Variants in ABCB11 observed in about 807,000 individuals in gnomAD.
ABCB11 encodes the protein ATP binding cassette subfamily B member 11, also known as bile salt export pump.
Under a neutral mutation model 148.0 loss-of-function variants are expected in ABCB11, and 95 were observed. That is an observed-to-expected ratio of 0.64 (90% CI 0.54 to 0.76). The LOEUF (loss-of-function observed/expected upper bound fraction) is 0.76, where lower values mean the gene tolerates loss of function less well. ABCB11 is among the 30% of genes least tolerant of loss of function. ABCB11 has a pLI of 0.00. For synonymous variants in ABCB11, 591 were observed against 555.4 expected, an observed-to-expected ratio of 1.06 and a Z score of -0.90; for missense variants, 1,523 against 1,617.8, an observed-to-expected ratio of 0.94 and a Z score of 1.01.
chr2:168,970,091 G>C lies in ABCB11; in HGVS notation c.1763C>G (p.Ala588Gly), dbSNP rs917981474. 1 of 1,612,922 alleles carries C rather than the reference G, an allele frequency of 6.2e-7. No individual in the cohort carries two copies. Among genetic ancestry groups the C allele is most frequent in the African/African-American group, 1.3e-5 (1 of 74,926 alleles). The change falls in exon 15 of 28, where the codon GCT (alanine) becomes GGT (glycine). Residue 588 changes from alanine (A) to glycine (G), a missense_variant. By Grantham distance (60) the Ala-to-Gly change is moderately conservative. Transcript: ENST00000650372. ...KILLLDMATS[A>G]LDNESEAMVQ... ...CATGGCTTCACTCTCATTGTCCAGA[G>C]CTGAGGTGGCCATGTCCAAAAGCAG... is the stretch of plus-strand genomic sequence containing the variant.
At chr2:168,952,034 T>C (rs1397934276) in intron 19 of ABCB11, among the ~76,000 whole-genome samples, 1 of 151,690 alleles carries the variant, frequency 6.6e-6, no homozygotes, top group Non-Finnish European at 1.5e-5. Flanking sequence ...TGATATATCA[T>C]GTTTATTGCT....
At chr2:169,009,156 G>A (rs1187120568) in intron 5 of ABCB11, among the ~76,000 whole-genome samples, 2 of 152,218 alleles carry the variant, frequency 1.3e-5, no homozygotes, top group African/African-American at 4.8e-5. Context: ...GGGGCAAGGG[G>A]TTTCTTTTTC....
chr2:168,923,596 T>C lies in ABCB11; in HGVS notation c.*26A>G, dbSNP rs762157709. 31 of 1,609,188 alleles carry C rather than the reference T, an allele frequency of 1.9e-5. No homozygotes were observed. The South Asian group carries it at 3.0e-4, about 15-fold the overall frequency. On this transcript the variant is annotated 3_prime_UTR_variant, in exon 28 of 28. Coordinates refer to ENST00000650372, the MANE Select transcript of ABCB11 (RefSeq NM_003742.4). The stretch of plus-strand genomic sequence containing the variant: ...AACAACCCCTGTAACTGGTGCGTCA[T>C]GTGTGTCTGAGATTCTTGCATTGGG...
At chr2:168,963,198 G>C (rs1693152661) in intron 18 of ABCB11, among the ~76,000 whole-genome samples, 1 of 151,610 alleles carries the variant, frequency 6.6e-6, no homozygotes, top group African/African-American at 2.4e-5. Flanking sequence ...CTTGCAGTTG[G>C]GGTTTTATTT....
intron 13 of ABCB11, among the ~76,000 whole-genome samples, chr2:168,973,308 A>G (rs888759483): frequency 6.6e-6 from 1 of 151,998 alleles, no homozygotes; most frequent in African/African-American, 2.4e-5. Flanking sequence ...TGGTATATAT[A>G]TATTTCCAAA....
Position 168,926,805 on chromosome 2 carries a change from G to A in ABCB11, c.3618+351C>T, listed in dbSNP as rs116122252. Among the ~76,000 whole-genome samples the A allele has an allele frequency of 5.8e-3, 876 of 152,074 alleles. 12 individuals carry two copies. The highest frequency in any genetic ancestry group is 0.02 in the African/African-American group (828 of 41,506). ...CAGATTCTGGATTTTTTCAGATTTTGGAATATCTGCATATAATGAGATACC... is the reference window on the plus strand; with the variant it reads ...CAGATTCTGGATTTTTTCAGATTTTAGAATATCTGCATATAATGAGATACC... On this transcript the variant is annotated intron_variant, in intron 26 of 27. Coordinates refer to ENST00000650372, the MANE Select transcript of ABCB11 (RefSeq NM_003742.4).
In ABCB11 at chr2:168,990,693, T is replaced by C. The variant is rs4148780; in HGVS notation, c.908+108A>G. 98,723 of 1,393,886 alleles carry C rather than the reference T, an allele frequency of 0.071. 5,453 individuals are homozygous for C. The highest frequency in any genetic ancestry group is 0.28 in the African/African-American group (19,995 of 70,280). 86.3% of individuals were successfully genotyped at this position (1,393,886 alleles called of 1,614,324 possible). On this transcript the variant is annotated intron_variant, in intron 9 of 27. Coordinates refer to ENST00000650372, the MANE Select transcript of ABCB11 (RefSeq NM_003742.4). ...CTCCCTCTTGAACAAGTACTTCCTC[T>C]GGAGGCCACAGACCAAGGTGGGTCT... is the stretch of plus-strand genomic sequence containing the variant.
chr2:169,008,789 A>AGAGAGAAATGTG (rs1484188765), intron 5 of ABCB11, among the ~76,000 whole-genome samples: 3 of 152,352 alleles, frequency 2.0e-5, no homozygotes, highest in African/African-American at 7.2e-5. Context: ...TTCCACACTT[A>AGAGAGAAATGTG]GACATGTACC....
At chr2:168,959,317 G>C (rs1559203322) in intron 18 of ABCB11, among the ~76,000 whole-genome samples, 1 of 151,626 alleles carries the variant, frequency 6.6e-6, no homozygotes, top group African/African-American at 2.4e-5. Flanking sequence ...AGGTCCTTCT[G>C]TTCAATTATT....
intron 14 of ABCB11, among the ~76,000 whole-genome samples, chr2:168,970,967 C>G (rs974409425): frequency 1.3e-5 from 2 of 152,000 alleles, no homozygotes; most frequent in African/African-American, 4.8e-5. Flanking sequence ...GATTCTAAAG[C>G]TTTATACTCT....
At chr2:168,980,048 G>A in intron 10 of ABCB11, 69 bp from the exon 11 acceptor site, 1 of 875,376 alleles carries the variant, frequency 1.1e-6, no homozygotes, top group Non-Finnish European at 1.8e-6. Context: ...CTATCATTTG[G>A]GTCTTCCATG....
chr2:169,002,389 G>A (rs926575494), intron 5 of ABCB11, among the ~76,000 whole-genome samples: 12 of 152,140 alleles, frequency 7.9e-5, no homozygotes, highest in African/African-American at 2.9e-4. Flanking sequence ...AAATATGTAT[G>A]TAGGTTCCTC....
chr2:168,928,936 G>A lies in ABCB11; in HGVS notation c.3412-1574C>T, dbSNP rs1691441842. On this transcript the variant is annotated intron_variant, in intron 25 of 27. Transcript: ENST00000650372. ...TTATTTTTATAACTTCCTGGATTCT[G>A]TCAATTTCTGTTTGCTTGTTTCCTT... is the stretch of plus-strand genomic sequence containing the variant. Among the ~76,000 whole-genome samples, 7 of 152,216 alleles carry A rather than the reference G, an allele frequency of 4.6e-5. No individual in the cohort carries two copies. In the South Asian group the frequency reaches 1.5e-3, roughly 32 times the overall value.
chr2:169,027,709 G>A (rs1573996073), intron 1 of ABCB11, among the ~76,000 whole-genome samples: 1 of 152,076 alleles, frequency 6.6e-6, no homozygotes, highest in Admixed American at 6.5e-5. Context: ...GAGATACAGG[G>A]TTCTACAAGC....
In ABCB11 at chr2:168,990,840, G is replaced by A; in HGVS notation, c.869C>T (p.Thr290Ile). The change falls in exon 9 of 28, where the codon ACA becomes ATA. Residue 290 changes from threonine (T) to isoleucine (I), a missense_variant. Transcript: ENST00000650372. Reference sequence around the variant, plus strand: ...TTTCTCACCACCAAAAGCAGCCACTGTTCTCATTGATGAAATGACTTCATC... The same window carrying A: ...TTTCTCACCACCAAAAGCAGCCACTATTCTCATTGATGAAATGACTTCATC... ...VADEVISSMR[T>I]VAAFGGEKRE... 1 of 1,613,150 alleles carries A rather than the reference G, an allele frequency of 6.2e-7. No individual in the cohort carries two copies. The highest frequency in any genetic ancestry group is 8.5e-7 in the Non-Finnish European group (1 of 1,179,370).
At position 168,923,287 on chromosome 2, in the gene ABCB11, G is replaced by C; in HGVS notation, c.*335C>G. 1 of 359,720 alleles carries C rather than the reference G, an allele frequency of 2.8e-6. No individual in the cohort carries two copies. The highest frequency in any genetic ancestry group is 5.4e-5 in the East Asian group (1 of 18,536). 22.3% of individuals were successfully genotyped at this position (359,720 alleles called of 1,614,324 possible). On this transcript the variant is annotated 3_prime_UTR_variant, in exon 28 of 28. Transcript: ENST00000650372. ...GAGTTCAAAGTGTCACTTACTCCCT[G>C]ATGTCTCACTAATTCCCACATATTA...
At position 169,014,291 on chromosome 2, in the gene ABCB11, C is replaced by A. The variant is rs376490841; in HGVS notation, c.150+12G>T. 1 of 1,611,510 alleles carries A rather than the reference C, an allele frequency of 6.2e-7. No individual in the cohort carries two copies. Among genetic ancestry groups the A allele is most frequent in the East Asian group, 2.2e-5 (1 of 44,822 alleles). On this transcript the variant is annotated intron_variant, in intron 4 of 27. Transcript: ENST00000650372. ...GCACACCCACTGCCATAAATCAACA[C>A]AGTTTTATTACCAATTGAAAGAAGC... is the stretch of plus-strand genomic sequence containing the variant.
In ABCB11 at chr2:169,021,772, T is replaced by C. The variant is rs548501443; in HGVS notation, c.-27-3620A>G. On this transcript the variant is annotated intron_variant, in intron 1 of 27. Coordinates refer to ENST00000650372, the MANE Select transcript of ABCB11 (RefSeq NM_003742.4). ...AATTATAATTGTAACACAATGTCGA[T>C]AGATTTTCATGACAAATTTCATTAC... 3.3e-5 allele frequency among the ~76,000 whole-genome samples: 5 copies of C among 152,206 alleles called. 1 individual carries two copies. In the South Asian group the frequency reaches 1.0e-3, roughly 32 times the overall value.
chr2:168,947,870 AAC>A (rs1692397297), intron 19 of ABCB11, among the ~76,000 whole-genome samples: 2 of 151,700 alleles, frequency 1.3e-5, no homozygotes, highest in Non-Finnish European at 3.0e-5. Context: ...CACCAGAAGA[AAC>A]ACAGAGAATA....
Sources: gnomAD v4.1 joint callset for allele counts (sites outside exome capture counted in the v4.1 genomes callset) on GRCh38, gnomAD v4.1.1 for gene constraint, MANE v1.5 for transcripts, NCBI Gene and HGNC (gene_info 2026-07-23, HGNC 2026-07-21) for gene names.